FGGY: variants seen among roughly 807,000 people sequenced by gnomAD.
FGGY encodes FGGY carbohydrate kinase domain containing, also known as FGGY carbohydrate kinase domain-containing protein.
FGGY carries 72 observed loss-of-function variants against 71.3 expected under a neutral mutation model. That is an observed-to-expected ratio of 1.01 (90% CI 0.84 to 1.23). The LOEUF is 1.23. FGGY is among the 50% of genes most tolerant of loss of function. The probability of loss-of-function intolerance (pLI) is 0.00; values close to 1 mark genes in which losing one functional copy is unlikely to be tolerated. For synonymous variants in FGGY, 251 were observed against 250.3 expected (o/e 1.00, Z -0.02); for missense variants, 668 against 682.3 (o/e 0.98, Z 0.23).
chr1:59,609,155 GA>G (rs2096651575), intron 9 of FGGY, among the ~76,000 whole-genome samples: 1 of 152,194 alleles, frequency 6.6e-6, no homozygotes, highest in Non-Finnish European at 1.5e-5. Context: ...ACATGGAAGT[GA>G]AAAATAACGG....
At chr1:59,455,166 G>A (rs1263387335) in intron 5 of FGGY, among the ~76,000 whole-genome samples, 1 of 152,196 alleles carries the variant, frequency 6.6e-6, no homozygotes, top group African/African-American at 2.4e-5. Flanking sequence ...TGGTTTAGTG[G>A]GAGAGATGGT....
chr1:59,523,215 G>C (rs1018215742), intron 7 of FGGY, among the ~76,000 whole-genome samples: 3 of 152,210 alleles, frequency 2.0e-5, no homozygotes, highest in African/African-American at 7.2e-5. Context: ...GTCTAAGATT[G>C]CACTTGCGTC....
At chr1:59,616,233 G>C (rs1572148467) in intron 9 of FGGY, among the ~76,000 whole-genome samples, 1 of 152,148 alleles carries the variant, frequency 6.6e-6, no homozygotes, top group Non-Finnish European at 1.5e-5. Context: ...TTGGAACCAA[G>C]CCAAACATCC....
intron 14 of FGGY, among the ~76,000 whole-genome samples, chr1:59,733,469 G>GT (rs71677996): frequency 0.024 from 2,026 of 83,806 alleles, 39 homozygotes; most frequent in African/African-American, 0.067. Flanking sequence ...TTGTTTTTTT[G>GT]TTTTGTTTTG....
At chr1:59,353,779 T>C (rs1319426369) in intron 4 of FGGY, among the ~76,000 whole-genome samples, 1 of 152,192 alleles carries the variant, frequency 6.6e-6, no homozygotes, top group African/African-American at 2.4e-5. Flanking sequence ...TCTCATACTA[T>C]GTAAGCAAAC....
chr1:59,383,992 T>C (rs2059786764), intron 5 of FGGY, among the ~76,000 whole-genome samples: 1 of 152,190 alleles, frequency 6.6e-6, no homozygotes. Flanking sequence ...CTAAATTGAT[T>C]GAGATTTGTC....
At chr1:59,755,405 G>C (rs1341585778) in intron 14 of FGGY, 1 of 152,138 alleles carries the variant, frequency 6.6e-6, no homozygotes, top group South Asian at 2.1e-4. Context: ...TGGGGAGGCT[G>C]ATCTGTTAAC....
chr1:59,522,123 CTG>C (rs1486280393), intron 7 of FGGY, among the ~76,000 whole-genome samples: 1 of 152,212 alleles, frequency 6.6e-6, no homozygotes, highest in Non-Finnish European at 1.5e-5. Context: ...CACAACCACA[CTG>C]TGAGCTACAA....
At chr1:59,380,216 T>C (rs2059236081) in intron 5 of FGGY, among the ~76,000 whole-genome samples, 1 of 151,586 alleles carries the variant, frequency 6.6e-6, no homozygotes, top group African/African-American at 2.4e-5. Flanking sequence ...TTGGGTTGAT[T>C]CCAAGTCTTT....
chr1:59,411,797 C>T (rs909526911), intron 5 of FGGY, among the ~76,000 whole-genome samples: 1 of 152,094 alleles, frequency 6.6e-6, no homozygotes, highest in African/African-American at 2.4e-5. Context: ...TTCAAATTAG[C>T]TTTTCTATCT....
chr1:59,438,221 C>G (rs1355992851), intron 5 of FGGY, among the ~76,000 whole-genome samples: 6 of 152,224 alleles, frequency 3.9e-5, no homozygotes, highest in Non-Finnish European at 5.9e-5. Context: ...AGACTATTCA[C>G]ATAACAAGTG....
At chr1:59,478,350 T>C (rs1002117531) in intron 6 of FGGY, among the ~76,000 whole-genome samples, 4 of 152,230 alleles carry the variant, frequency 2.6e-5, no homozygotes, top group Admixed American at 6.5e-5. Context: ...TCATCTATAG[T>C]AGATTTATAA....
chr1:59,379,036 TG>T (rs1361657214), intron 5 of FGGY, among the ~76,000 whole-genome samples, 199 bp downstream of exon 5: 1 of 152,142 alleles, frequency 6.6e-6, no homozygotes, highest in Non-Finnish European at 1.5e-5. Flanking sequence ...AGCCCTGGAA[TG>T]TGAGTATCCA....
intron 8 of FGGY, among the ~76,000 whole-genome samples, chr1:59,604,406 C>G (rs917217577): frequency 2.0e-5 from 3 of 152,188 alleles, no homozygotes; most frequent in African/African-American, 4.8e-5. Flanking sequence ...TTGCTTTACA[C>G]AGGATGTCTG....
At chr1:59,418,584 A>T (rs1247300432) in intron 5 of FGGY, among the ~76,000 whole-genome samples, 2 of 152,208 alleles carry the variant, frequency 1.3e-5, no homozygotes, top group African/African-American at 2.4e-5. Context: ...TCCACAGTTT[A>T]CATGTGAAAA....
chr1:59,581,271 A>G (rs930013634), intron 8 of FGGY, among the ~76,000 whole-genome samples: 1 of 149,932 alleles, frequency 6.7e-6, no homozygotes, highest in African/African-American at 2.5e-5. Flanking sequence ...ATTCCCTGAG[A>G]CCATTTGCAT....
chr1:59,512,932 G>A (rs921879681), intron 7 of FGGY, among the ~76,000 whole-genome samples: 5 of 152,064 alleles, frequency 3.3e-5, no homozygotes, highest in African/African-American at 7.2e-5. Context: ...TAAAACACCC[G>A]TTGAACACTT....
chr1:59,438,827 G>A (rs890102434), intron 5 of FGGY, among the ~76,000 whole-genome samples: 4 of 152,080 alleles, frequency 2.6e-5, no homozygotes, highest in African/African-American at 9.7e-5. Flanking sequence ...TTTACATACT[G>A]GGTTACTTCC....
intron 8 of FGGY, among the ~76,000 whole-genome samples, chr1:59,573,783 A>G (rs959785169): frequency 7.2e-5 from 11 of 152,196 alleles, no homozygotes; most frequent in Admixed American, 1.3e-4. Flanking sequence ...GTGTTGTTCA[A>G]TCTCAAATGG....
Sources: allele counts gnomAD v4.1 joint callset (sites outside exome capture counted in the v4.1 genomes callset), GRCh38; gene constraint gnomAD v4.1.1; transcripts MANE v1.5; gene names NCBI Gene and HGNC (gene_info 2026-07-23, HGNC 2026-07-21).